The following DLG2 variants were observed in gnomAD, a reference collection of about 807,000 sequenced individuals.
DLG2 encodes the protein disks large homolog 2.
DLG2 carries 45 observed loss-of-function variants against 132.5 expected under a neutral mutation model. The observed-to-expected ratio is 0.34, with a 90% confidence interval of 0.27 to 0.44. DLG2 has a LOEUF of 0.44. DLG2 is among the 20% of genes least tolerant of loss of function. DLG2 has a pLI of 1.00. For synonymous variants in DLG2, 424 were observed against 419.6 expected, an observed-to-expected ratio of 1.01 and a Z score of -0.13; for missense variants, 1,045 against 1,196.9, an observed-to-expected ratio of 0.87 and a Z score of 1.87.
At chr11:83,826,824 G>A (rs377303649) in intron 17 of DLG2, among the ~76,000 whole-genome samples, 1 of 152,142 alleles carries the variant, frequency 6.6e-6, no homozygotes, top group African/African-American at 2.4e-5. Flanking sequence ...AGAAGCTGAA[G>A]GTGTGGCTTA....
At chr11:84,714,601 C>G (rs200905067) in intron 6 of DLG2, among the ~76,000 whole-genome samples, 2 of 95,534 alleles carry the variant, frequency 2.1e-5, no homozygotes, top group African/African-American at 9.6e-5. Context: ...CTCTTTCTTT[C>G]TCTTTCTCTT....
chr11:85,533,967 G>A (rs931746912), intron 3 of DLG2, among the ~76,000 whole-genome samples: 7 of 152,110 alleles, frequency 4.6e-5, no homozygotes, highest in Admixed American at 4.6e-4. Context: ...CCACTAAAAT[G>A]TTGCTCTCTG....
At chr11:84,363,985 T>C (rs1251475937) in intron 7 of DLG2, among the ~76,000 whole-genome samples, 2 of 152,068 alleles carry the variant, frequency 1.3e-5, no homozygotes, top group South Asian at 2.1e-4. Flanking sequence ...ATTGACTTGG[T>C]GATGAGGGCT....
chr11:84,765,981 A>C (rs1170030020), intron 6 of DLG2, among the ~76,000 whole-genome samples: 2 of 152,048 alleles, frequency 1.3e-5, no homozygotes, highest in Non-Finnish European at 2.9e-5. Flanking sequence ...GAAAGCACAC[A>C]AACAAGTATT....
chr11:84,687,926 C>T (rs1030982557), intron 6 of DLG2, among the ~76,000 whole-genome samples: 2 of 152,060 alleles, frequency 1.3e-5, no homozygotes, highest in Non-Finnish European at 2.9e-5. Flanking sequence ...AAATAAAATA[C>T]CAGGTGGGTT....
At chr11:85,488,402 A>G (rs2093479981) in intron 3 of DLG2, among the ~76,000 whole-genome samples, 1 of 151,146 alleles carries the variant, frequency 6.6e-6, no homozygotes, top group Non-Finnish European at 1.5e-5. Context: ...AAAAAAAAAC[A>G]ACAACAACAA....
intron 3 of DLG2, among the ~76,000 whole-genome samples, chr11:85,455,619 C>G (rs2092397399): frequency 6.6e-6 from 1 of 152,148 alleles, no homozygotes; most frequent in Non-Finnish European, 1.5e-5. Context: ...AAGGGGACCA[C>G]TTCCAGCTTT....
At chr11:85,296,811 A>G (rs2079251862) in intron 3 of DLG2, among the ~76,000 whole-genome samples, 1 of 150,772 alleles carries the variant, frequency 6.6e-6, no homozygotes. Flanking sequence ...TCAATTTTAG[A>G]TTGTAGAAAT....
At chr11:85,597,805 T>TTTC in intron 3 of DLG2, among the ~76,000 whole-genome samples, 1 of 151,904 alleles carries the variant, frequency 6.6e-6, no homozygotes, top group East Asian at 1.9e-4. Flanking sequence ...GACTCAGTTA[T>TTTC]TTCTTTAAAA....
intron 6 of DLG2, among the ~76,000 whole-genome samples, chr11:84,555,355 G>A (rs1010549469): frequency 6.6e-6 from 1 of 152,142 alleles, no homozygotes; most frequent in Non-Finnish European, 1.5e-5. Context: ...CATGTTCATA[G>A]TAGTACTATT....
chr11:84,166,984 T>C (rs1338831025), intron 8 of DLG2: 2 of 533,384 alleles, frequency 3.7e-6, no homozygotes, highest in South Asian at 2.8e-5. Context: ...TACTGATAGT[T>C]TGGGGCCCGG....
At chr11:84,388,374 G>A (rs954565236) in intron 7 of DLG2, among the ~76,000 whole-genome samples, 4 of 151,944 alleles carry the variant, frequency 2.6e-5, no homozygotes, top group South Asian at 2.1e-4. Flanking sequence ...GCCTACAGGG[G>A]GAAAATTAAA....
intron 7 of DLG2, among the ~76,000 whole-genome samples, chr11:84,401,398 G>T (rs2098828893): frequency 6.6e-6 from 1 of 151,846 alleles, no homozygotes; most frequent in South Asian, 2.1e-4. Context: ...CCAACCCCTG[G>T]ACTGTCTCTT....
At chr11:84,289,799 G>A (rs1052097081) in intron 7 of DLG2, among the ~76,000 whole-genome samples, 3 of 152,278 alleles carry the variant, frequency 2.0e-5, no homozygotes, top group Admixed American at 2.0e-4. Flanking sequence ...TGAGCAGATT[G>A]CTTTGACTAT....
At chr11:84,930,011 T>G (rs2047909570) in intron 6 of DLG2, among the ~76,000 whole-genome samples, 2 of 152,062 alleles carry the variant, frequency 1.3e-5, no homozygotes, top group South Asian at 4.1e-4. Flanking sequence ...AGTCTAAGAA[T>G]GAGTGCCTCA....
At chr11:84,787,083 CT>C (rs1278392179) in intron 6 of DLG2, among the ~76,000 whole-genome samples, 2 of 152,128 alleles carry the variant, frequency 1.3e-5, no homozygotes, top group African/African-American at 4.8e-5. Flanking sequence ...GAAACAATGA[CT>C]TTTTTGCAGC....
chr11:83,944,974 G>T (rs1390909479), intron 14 of DLG2, among the ~76,000 whole-genome samples: 1 of 152,158 alleles, frequency 6.6e-6, no homozygotes, highest in African/African-American at 2.4e-5. Context: ...TTTTTAGATG[G>T]TGAAGTAGAG....
chr11:84,402,261 T>C (rs539122153), intron 7 of DLG2, among the ~76,000 whole-genome samples: 27 of 152,150 alleles, frequency 1.8e-4, no homozygotes, highest in Non-Finnish European at 3.8e-4. Context: ...TTAAGAGGAA[T>C]AAAATGTATC....
At chr11:83,960,586 G>T (rs2088372887) in intron 14 of DLG2, among the ~76,000 whole-genome samples, 1 of 151,468 alleles carries the variant, frequency 6.6e-6, no homozygotes, top group African/African-American at 2.4e-5. Context: ...TCATGGAGGG[G>T]GTTCTGCATA....
Sources: gnomAD v4.1 joint callset for allele counts (sites outside exome capture counted in the v4.1 genomes callset) on GRCh38, gnomAD v4.1.1 for gene constraint, MANE v1.5 for transcripts, NCBI Gene and HGNC (gene_info 2026-07-23, HGNC 2026-07-21) for gene names.